ANAPC7: variants seen among roughly 807,000 people sequenced by gnomAD.
ANAPC7 encodes anaphase-promoting complex subunit 7.
In ANAPC7, 25 loss-of-function variants were observed where a neutral mutation model predicts 63.3. The observed-to-expected ratio is 0.39, with a 90% CI of 0.29 to 0.55. The LOEUF (loss-of-function observed/expected upper bound fraction) is 0.55, where lower values mean the gene tolerates loss of function less well. Among genes scored for constraint, ANAPC7 ranks in the 20% least tolerant of loss-of-function variants. The probability of loss-of-function intolerance (pLI) is 0.57; values close to 1 mark genes in which losing one functional copy is unlikely to be tolerated. For synonymous variants in ANAPC7, 241 were observed against 251.7 expected, an observed-to-expected ratio of 0.96 and a Z score of 0.40; for missense variants, 516 against 691.7, an observed-to-expected ratio of 0.75 and a Z score of 2.85.
intron 6 of ANAPC7, 144 bp from the exon 7 acceptor site, chr12:110,383,104 T>G (rs2137938225): frequency 1.7e-6 from 1 of 593,896 alleles, no homozygotes. Flanking sequence ...CACAGGCTCC[T>G]CCAACTACTA....
At chr12:110,390,871 A>AT (rs1471157671) in intron 3 of ANAPC7, among the ~76,000 whole-genome samples, 1 of 152,164 alleles carries the variant, frequency 6.6e-6, no homozygotes, top group Non-Finnish European at 1.5e-5. Context: ...CTTTAAAAGA[A>AT]TGAGTTTTGA....
At chr12:110,402,533 A>G (rs1183744419) in intron 1 of ANAPC7, among the ~76,000 whole-genome samples, 3 of 151,226 alleles carry the variant, frequency 2.0e-5, no homozygotes, top group Non-Finnish European at 4.4e-5. Context: ...ACGGGGTTAC[A>G]CTGTGTTAGC....
At chr12:110,381,060 A>G (rs1385153663) in intron 8 of ANAPC7, among the ~76,000 whole-genome samples, 1 of 148,556 alleles carries the variant, frequency 6.7e-6, no homozygotes, top group East Asian at 2.0e-4. Context: ...TGGGAGGACA[A>G]AAAAAAAAAA....
chr12:110,377,061 C>T (rs556552139), intron 9 of ANAPC7, among the ~76,000 whole-genome samples: 2 of 149,682 alleles, frequency 1.3e-5, no homozygotes, highest in Admixed American at 1.4e-4. Flanking sequence ...TGCTTGAACC[C>T]GGGAGGCGGA....
chr12:110,400,879 T>A (rs1383444259), intron 1 of ANAPC7, among the ~76,000 whole-genome samples: 1 of 148,746 alleles, frequency 6.7e-6, no homozygotes, highest in Non-Finnish European at 1.5e-5. Context: ...AAACCCCATC[T>A]CTATTAAAAA....
At chr12:110,384,826 C>T (rs907723908) in intron 6 of ANAPC7, among the ~76,000 whole-genome samples, 2 of 152,088 alleles carry the variant, frequency 1.3e-5, no homozygotes, top group African/African-American at 4.8e-5. Context: ...CAGAAAAGGC[C>T]CAAAAAAGGC....
At position 110,396,458 on chromosome 12, in the gene ANAPC7, A is replaced by C; in HGVS notation, c.102-6T>G. ...GAGGTGGGGAGAATAACTCACTAGA[A>C]AACAAGAGAAAATGTAATACATCTT... On this transcript the variant is annotated splice_region_variant and splice_polypyrimidine_tract_variant and intron_variant, in intron 1 of 10. Coordinates refer to ENST00000455511, the MANE Select transcript of ANAPC7 (RefSeq NM_016238.3). The C allele has an allele frequency of 6.3e-7, 1 of 1,586,508 alleles. No individual in the cohort carries two copies. The highest frequency in any genetic ancestry group is 8.5e-7 in the Non-Finnish European group (1 of 1,170,078).
intron 1 of ANAPC7, among the ~76,000 whole-genome samples, chr12:110,402,362 C>G (rs1167406560): frequency 1.3e-5 from 2 of 150,858 alleles, no homozygotes; most frequent in Non-Finnish European, 3.0e-5. Flanking sequence ...CGGAGTCTCG[C>G]TCTGTCGTCC....
At chr12:110,399,289 G>A (rs2062189180) in intron 1 of ANAPC7, among the ~76,000 whole-genome samples, 1 of 151,648 alleles carries the variant, frequency 6.6e-6, no homozygotes, top group South Asian at 2.1e-4. Flanking sequence ...CAAAGTGCTG[G>A]GATTACAGGC....
Position 110,393,772 on chromosome 12 carries a change from C to T in ANAPC7, c.408+1329G>A, listed in dbSNP as rs1040190200. Among the ~76,000 whole-genome samples the T allele has an allele frequency of 4.0e-5, 6 of 149,684 alleles. No individual in the cohort carries two copies. In the East Asian group the frequency reaches 9.8e-4, roughly 24 times the overall value. ...ATCCCAGCTATTTGGGAGACTGAGG[C>T]AGGAGAACTGCTTGAACCCGGGAGG... is the stretch of plus-strand genomic sequence containing the variant. On this transcript the variant is annotated intron_variant, in intron 3 of 10. Coordinates refer to ENST00000455511, the MANE Select transcript of ANAPC7 (RefSeq NM_016238.3).
rs1881021849 is a variant in ANAPC7, at chr12:110,373,892, T to C, written c.*252A>G. 2 of 406,478 alleles carry C rather than the reference T, an allele frequency of 4.9e-6. No individual in the cohort carries two copies. Among genetic ancestry groups the C allele is most frequent in the African/African-American group, 2.0e-5 (1 of 48,784 alleles). The allele number at this position is 406,478 out of a possible 1,614,324, so 25.2% of individuals were successfully genotyped here. ...CTCTTGGCCCAGAAGCCCCAACATG[T>C]GCGTGGGTCTCGGGGCACTCCCTCA... is the stretch of plus-strand genomic sequence containing the variant. On this transcript the variant is annotated 3_prime_UTR_variant, in exon 11 of 11. Coordinates refer to ENST00000455511, the MANE Select transcript of ANAPC7 (RefSeq NM_016238.3).
At position 110,381,952 on chromosome 12, in the gene ANAPC7, G is replaced by GAT; in HGVS notation, c.936-5_936-4insAT. On this transcript the variant is annotated splice_polypyrimidine_tract_variant and splice_region_variant and intron_variant, in intron 7 of 10. Transcript: ENST00000455511. ...TTTGCTATAGAAGCTGTGACAGCTG[G>GAT]AGAAAAAAAAAAAAAAAAAAACACA... The GAT allele has an allele frequency of 1.1e-5, 6 of 552,976 alleles. No individual in the cohort carries two copies. Among genetic ancestry groups the GAT allele is most frequent in the East Asian group, 9.9e-5 (1 of 10,094 alleles). The allele number at this position is 552,976 out of a possible 1,614,324, so 34.3% of individuals were successfully genotyped here. A position where few individuals can be genotyped will look rare whatever the true frequency, so the allele number is the denominator to read the frequency against.
chr12:110,392,022 G>A (rs774114886), intron 3 of ANAPC7, among the ~76,000 whole-genome samples: 1 of 150,864 alleles, frequency 6.6e-6, no homozygotes, highest in Non-Finnish European at 1.5e-5. Context: ...AACCCGGGAG[G>A]TGGAGGTTGC....
chr12:110,401,162 A>G (rs1353742419), intron 1 of ANAPC7, among the ~76,000 whole-genome samples: 1 of 152,222 alleles, frequency 6.6e-6, no homozygotes, highest in East Asian at 1.9e-4. Flanking sequence ...ACCAGCTTCT[A>G]CAGCAGGCCA....
chr12:110,403,380 C>T, intron 1 of ANAPC7, 147 bp downstream of exon 1: 1 of 849,640 alleles, frequency 1.2e-6, no homozygotes, highest in Non-Finnish European at 1.8e-6. Flanking sequence ...GAAGTCTGCT[C>T]CGCTCCAGGA....
rs1284106279 is a variant in ANAPC7, at chr12:110,387,424, AGAGAGAGACC to A, written c.674+305_674+314del. 8.1e-4 allele frequency: 122 copies of A among 150,188 alleles called. 6 individuals carry two copies. Among genetic ancestry groups the A allele is most frequent in the African/African-American group, 2.6e-3 (75 of 29,054 alleles). The allele number at this position is 150,188 out of a possible 1,614,324, so 9.3% of individuals were successfully genotyped here. A position where few individuals can be genotyped will look rare whatever the true frequency, so the allele number is the denominator to read the frequency against. ...GAGAGAGAGAGAGAGAGAGAGAGAG[AGAGAGAGACC>A]GACCTTGTCTCAAAAAAAAAAAAAA... On this transcript the variant is annotated intron_variant, in intron 5 of 10. Coordinates refer to ENST00000455511, the MANE Select transcript of ANAPC7 (RefSeq NM_016238.3).
chr12:110,377,844 C>G (rs1881429640), intron 8 of ANAPC7: 2 of 1,402,240 alleles, frequency 1.4e-6, no homozygotes, highest in Non-Finnish European at 1.9e-6. Flanking sequence ...TCAAAGGCAC[C>G]TTCAGTTTAG....
chr12:110,393,250 A>G (rs1883256330), intron 3 of ANAPC7, among the ~76,000 whole-genome samples: 1 of 152,228 alleles, frequency 6.6e-6, no homozygotes, highest in Non-Finnish European at 1.5e-5. Context: ...CCATTACCAA[A>G]TGTGTACACC....
intron 1 of ANAPC7, 113 bp from the exon 2 acceptor site, chr12:110,396,565 CAGTGGCACG>C (rs2062140362): frequency 1.2e-6 from 1 of 811,776 alleles, no homozygotes; most frequent in Non-Finnish European, 1.8e-6. Flanking sequence ...GGCTGGAGTG[CAGTGGCACG>C]ATCTCGGCTC....
Sources: gnomAD v4.1 joint callset for allele counts (sites outside exome capture counted in the v4.1 genomes callset) on GRCh38, gnomAD v4.1.1 for gene constraint, MANE v1.5 for transcripts, NCBI Gene and HGNC (gene_info 2026-07-23, HGNC 2026-07-21) for gene names.